Variants in CREB3L1 observed in about 807,000 individuals in gnomAD.
The protein encoded by CREB3L1 is cAMP responsive element binding protein 3 like 1, also known as cyclic AMP-responsive element-binding protein 3-like protein 1.
A neutral mutation model predicts 54.5 loss-of-function variants in CREB3L1; 33 were observed. That is an observed-to-expected ratio of 0.61 (90% CI 0.46 to 0.81). The LOEUF (loss-of-function observed/expected upper bound fraction) is 0.81, where lower values mean the gene tolerates loss of function less well. CREB3L1 is among the 30% of genes least tolerant of loss of function. CREB3L1 has a pLI of 0.00. For missense variants in CREB3L1, 656 were observed against 673.3 expected, an observed-to-expected ratio of 0.97 and a Z score of 0.29; for synonymous variants, 284 against 286.4, an observed-to-expected ratio of 0.99 and a Z score of 0.08.
chr11:46,302,291 TGAGA>T (rs1322352760), intron 2 of CREB3L1, among the ~76,000 whole-genome samples: 1 of 151,962 alleles, frequency 6.6e-6, no homozygotes, highest in African/African-American at 2.4e-5. Flanking sequence ...AGACGCTACT[TGAGA>T]GAGATTCCTT....
chr11:46,319,516 T>C (rs893575632), intron 10 of CREB3L1, among the ~76,000 whole-genome samples: 1 of 152,178 alleles, frequency 6.6e-6, no homozygotes, highest in Non-Finnish European at 1.5e-5. Context: ...AATGTTTGTT[T>C]TCCTTCTCTG....
In CREB3L1 at chr11:46,278,130, C is replaced by G; in HGVS notation, c.19C>G (p.Pro7Ala). ...GGCTGCGATGGACGCCGTCTTGGAACCCTTCCCGGCCGACAGGCTGTTCCC... is the reference window on the plus strand; with the variant it reads ...GGCTGCGATGGACGCCGTCTTGGAAGCCTTCCCGGCCGACAGGCTGTTCCC... Reference protein sequence around the residue: MDAVLEPFPADRLFPGS... With the variant: MDAVLEAFPADRLFPGS... The change falls in exon 1 of 12, where the codon CCC (proline) becomes GCC (alanine). Residue 7 changes from proline (P) to alanine (A), a missense_variant. Transcript: ENST00000621158. This position sits in a 1 kb window ranked among gnomAD's most constrained non-coding sequence, Gnocchi z 4.2. The G allele has an allele frequency of 1.3e-6, 2 of 1,560,894 alleles. No individual in the cohort carries two copies. Among genetic ancestry groups the G allele is most frequent in the Non-Finnish European group, 1.7e-6 (2 of 1,152,652 alleles).
In CREB3L1 at chr11:46,306,180, T is replaced by G. The variant is rs368782442; in HGVS notation, c.332-1636T>G. Among the ~76,000 whole-genome samples, 245 of 152,274 alleles carry G rather than the reference T, an allele frequency of 1.6e-3. 11 individuals are homozygous for G. In the South Asian group the frequency reaches 0.048, roughly 30 times the overall value. On this transcript the variant is annotated intron_variant, in intron 2 of 11. Coordinates refer to ENST00000621158, the MANE Select transcript of CREB3L1 (RefSeq NM_052854.4). ...TGCCTCAGCCTCCCAAAGCTGGGATTATAGGCGTGAGCTACCGCACCCAGC... is the reference window on the plus strand; with the variant it reads ...TGCCTCAGCCTCCCAAAGCTGGGATGATAGGCGTGAGCTACCGCACCCAGC...
At chr11:46,285,076 T>C (rs1939036798) in intron 1 of CREB3L1, among the ~76,000 whole-genome samples, 1 of 152,002 alleles carries the variant, frequency 6.6e-6, no homozygotes, top group Non-Finnish European at 1.5e-5. Flanking sequence ...CTCAGGAGAC[T>C]CTGTTTCTGT....
chr11:46,290,206 G>A (rs1939110197), intron 1 of CREB3L1, among the ~76,000 whole-genome samples: 1 of 152,118 alleles, frequency 6.6e-6, no homozygotes, highest in Non-Finnish European at 1.5e-5. Flanking sequence ...GTTCCTCTTT[G>A]GGGCTGGGAG....
At chr11:46,303,106 A>G (rs1590345454) in intron 2 of CREB3L1, among the ~76,000 whole-genome samples, 1 of 152,300 alleles carries the variant, frequency 6.6e-6, no homozygotes, top group East Asian at 1.9e-4. Flanking sequence ...CCTTGCCACC[A>G]CCACATTTGC....
chr11:46,317,214 A>C, intron 9 of CREB3L1, 147 bp from the exon 10 acceptor site: 1 of 974,674 alleles, frequency 1.0e-6, no homozygotes, highest in Non-Finnish European at 1.5e-6. Context: ...CCCCACATGT[A>C]GGAGGGAGTG....
chr11:46,286,657 AG>A, intron 1 of CREB3L1, among the ~76,000 whole-genome samples: 1 of 151,866 alleles, frequency 6.6e-6, no homozygotes, highest in Non-Finnish European at 1.5e-5. Flanking sequence ...TGGTGGCGGG[AG>A]CCTGTAATCC....
rs757110712 is a variant in CREB3L1, at chr11:46,307,805, C to T, written c.332-11C>T. 9.0e-6 allele frequency: 14 copies of T among 1,547,504 alleles called. No individual in the cohort carries two copies. The highest frequency in any genetic ancestry group is 1.2e-5 in the South Asian group (1 of 82,638). On this transcript the variant is annotated splice_polypyrimidine_tract_variant and intron_variant, in intron 2 of 11. Transcript: ENST00000621158. ...GCCCTAGAGTCCCCTGAGCCTTTCCCCTTCCCCTAGATGCAGAGCATGGAG... is the reference window on the plus strand; with the variant it reads ...GCCCTAGAGTCCCCTGAGCCTTTCCTCTTCCCCTAGATGCAGAGCATGGAG...
At position 46,312,451 on chromosome 11, in the gene CREB3L1, G is replaced by A. The variant is rs769416025; in HGVS notation, c.880G>A (p.Val294Ile). 4 of 1,613,604 alleles carry A rather than the reference G, an allele frequency of 2.5e-6. No individual in the cohort carries two copies. The highest frequency in any genetic ancestry group is 1.7e-5 in the Admixed American group (1 of 59,956). ...TKAEEKALKR[V>I]RRKIKNKISA... The stretch of plus-strand genomic sequence containing the variant: ...AGCCGAGGAGAAGGCCTTGAAGAGA[G>A]TCCGGAGGAAAATCAAGAACAAGGT... Residue 294 changes from valine (V) to isoleucine (I), a missense_variant, in exon 6 of 12, where the codon GTC (valine) becomes ATC (isoleucine). Around this residue, in one of 3 missense-constraint regions of CREB3L1, gnomAD observed 77 missense variants for 122.0 expected, o/e 0.63. Transcript: ENST00000621158.
At chr11:46,300,515 T>G (rs1172646075) in intron 2 of CREB3L1, among the ~76,000 whole-genome samples, 6 of 152,214 alleles carry the variant, frequency 3.9e-5, no homozygotes, top group Non-Finnish European at 7.3e-5. Context: ...TCCAGGTGAT[T>G]CTGATGCACA....
intron 1 of CREB3L1, among the ~76,000 whole-genome samples, chr11:46,281,629 G>A (rs11038849): frequency 0.01 from 1,573 of 152,322 alleles, 32 homozygotes; most frequent in African/African-American, 0.036. Flanking sequence ...TTGCGGGGAG[G>A]CGGTGGGGGC....
At chr11:46,308,100 C>A in intron 3 of CREB3L1, 100 bp downstream of exon 3, 3 of 1,139,128 alleles carry the variant, frequency 2.6e-6, no homozygotes, top group Non-Finnish European at 3.6e-6. Flanking sequence ...GCTCTGTGAA[C>A]AGGAAGACAT....
chr11:46,316,249 G>T, intron 8 of CREB3L1, 37 bp from the exon 9 acceptor site: 1 of 1,402,402 alleles, frequency 7.1e-7, no homozygotes, highest in Non-Finnish European at 9.9e-7. Context: ...TGCCTGCGGG[G>T]TCAAAGCCTG....
chr11:46,305,658 A>G (rs1272021739), intron 2 of CREB3L1, among the ~76,000 whole-genome samples: 1 of 87,518 alleles, frequency 1.1e-5, no homozygotes, highest in African/African-American at 4.7e-5. Context: ...GTGTGTATAT[A>G]TGTGTGTATA....
At chr11:46,314,742 C>G (rs1443420021) in intron 8 of CREB3L1, among the ~76,000 whole-genome samples, 1 of 148,436 alleles carries the variant, frequency 6.7e-6, no homozygotes, top group African/African-American at 2.5e-5. Flanking sequence ...CAGTCTTGCT[C>G]TGTCGCCCAG....
In CREB3L1 at chr11:46,320,518, T is replaced by A. The variant is rs774093366; in HGVS notation, c.1513T>A (p.Phe505Ile). ...SPDFSHSKEW[F>I]HDRDLGPNTT... is the part of the protein sequence containing the mutation. ...CGACTTCTCCCACTCCAAGGAGTGGTTCCACGACAGGTGGGGTGTGTGGCC... is the reference window on the plus strand; with the variant it reads ...CGACTTCTCCCACTCCAAGGAGTGGATCCACGACAGGTGGGGTGTGTGGCC... Residue 505 changes from phenylalanine to isoleucine, a missense_variant, in exon 11 of 12, where the codon TTC becomes ATC. Phe to Ile is a conservative substitution (Grantham distance 21). Around this residue, in one of 3 missense-constraint regions of CREB3L1, gnomAD observed 240 missense variants for 219.8 expected, o/e 1.09. Coordinates refer to ENST00000621158, the MANE Select transcript of CREB3L1 (RefSeq NM_052854.4). 21 of 1,474,486 alleles carry A rather than the reference T, an allele frequency of 1.4e-5. No homozygotes were observed. The Admixed American group carries it at 1.6e-4, about 11-fold the overall frequency. 91.3% of individuals were successfully genotyped at this position (1,474,486 alleles called of 1,614,324 possible).
rs770898337 is a variant in CREB3L1 at position 46,300,065 on chromosome 11, C to G, written c.233C>G (p.Pro78Arg). Residue 78 changes from proline (P) to arginine (R), a missense_variant, in exon 2 of 12, where the codon CCT (proline) becomes CGT (arginine). This residue lies in a region of CREB3L1 where 339 missense variants were observed against 331.5 expected (regional missense o/e 1.02). Transcript: ENST00000621158. ...SPLLDMELDS[P>R]TPGIQAEHSY... ...CTATTGGACATGGAACTGGACTCCC[C>G]TACGCCAGGCATCCAGGCGGAGCAC... is the stretch of plus-strand genomic sequence containing the variant. The G allele has an allele frequency of 6.2e-7, 1 of 1,614,000 alleles. No homozygotes were observed. The highest frequency in any genetic ancestry group is 1.7e-5 in the Admixed American group (1 of 60,012).
chr11:46,320,728 C>A lies in CREB3L1; in HGVS notation c.1542C>A (p.Thr514=). 6.2e-7 allele frequency: 1 copy of A among 1,612,270 alleles called. No homozygotes were observed. ...WFHDRDLGPN[T]TIKLS is the part of the protein sequence containing the mutation. ...TCTCCAGGGATCTGGGCCCCAACAC[C>A]ACCATCAAACTCTCCTAGGCCATGC... Residue 514 remains threonine, a synonymous_variant, in exon 12 of 12, where the codon ACC becomes ACA. Transcript: ENST00000621158.
Sources: gnomAD v4.1 joint callset for allele counts (sites outside exome capture counted in the v4.1 genomes callset) on GRCh38, gnomAD v4.1.1 for gene constraint, gnomAD v4.1.1 regional missense constraint, Gnocchi (gnomAD v3.1) non-coding constraint, MANE v1.5 for transcripts, NCBI Gene and HGNC (gene_info 2026-07-23, HGNC 2026-07-21) for gene names.